AVL9: variants seen among roughly 807,000 people sequenced by gnomAD.
AVL9 encodes the protein AVL9 cell migration associated, also known as late secretory pathway protein AVL9 homolog.
A neutral mutation model predicts 79.2 loss-of-function variants in AVL9; 49 were observed. The ratio of observed to expected loss-of-function variants is 0.62; its 90% CI spans 0.49 to 0.79. The LOEUF (loss-of-function observed/expected upper bound fraction) is 0.79. AVL9 is among the 30% of genes least tolerant of loss of function. The pLI is 0.00. For synonymous variants in AVL9, 299 were observed against 280.6 expected (o/e 1.07, Z -0.65); for missense variants, 682 against 776.8 (o/e 0.88, Z 1.45).
In AVL9 at chr7:32,581,074, C is replaced by A. The variant is rs545786770; in HGVS notation, c.1831+184C>A. 862 of 483,960 alleles carry A rather than the reference C, an allele frequency of 1.8e-3. 8 individuals are homozygous for A. The East Asian group carries it at 0.025, about 14-fold the overall frequency. 30.0% of individuals were successfully genotyped at this position (483,960 alleles called of 1,614,324 possible). A position where few individuals can be genotyped will look rare whatever the true frequency, so the allele number is the denominator to read the frequency against. ...ATTCCAAATTCCAAATGGTCAAACT[C>A]CATTATCTAATAGAGAGTGACAAAA... On this transcript the variant is annotated intron_variant, in intron 15 of 15. Transcript: ENST00000318709.
In AVL9 at chr7:32,566,093, T is replaced by A. The variant is rs1790550995; in HGVS notation, c.1216-3927T>A. ...TCAAGACTGCAGTGAGCCATGGTCA[T>A]GTCAATGCACTCCAGCCTGGGCAAA... On this transcript the variant is annotated intron_variant, in intron 10 of 15. Coordinates refer to ENST00000318709, the MANE Select transcript of AVL9 (RefSeq NM_015060.3). Among the ~76,000 whole-genome samples the A allele has an allele frequency of 2.0e-5, 3 of 151,126 alleles. No individual in the cohort carries two copies. The South Asian group carries it at 6.3e-4, about 32-fold the overall frequency.
chr7:32,569,827 C>G (rs181778203), intron 10 of AVL9, among the ~76,000 whole-genome samples, 193 bp from the exon 11 acceptor site: 1 of 152,176 alleles, frequency 6.6e-6, no homozygotes, highest in Non-Finnish European at 1.5e-5. Context: ...ATTAGCTAAT[C>G]ATTAACTGGA....
At chr7:32,518,073 G>T (rs886619375) in intron 1 of AVL9, among the ~76,000 whole-genome samples, 1 of 152,002 alleles carries the variant, frequency 6.6e-6, no homozygotes, top group Non-Finnish European at 1.5e-5. Context: ...TCAAGTGATC[G>T]ACCCAACTCG....
intron 8 of AVL9, among the ~76,000 whole-genome samples, chr7:32,557,285 T>C (rs1790107391): frequency 1.3e-5 from 2 of 152,108 alleles, no homozygotes. Flanking sequence ...ACTCCTGGCC[T>C]CAAGTGATCC....
rs1352145601 is a variant in AVL9, at chr7:32,579,601, AT to A, written c.1689-616del. ...ATATATTATATATTATATATTATATATTATATTATATATTATATATATATAA... is the reference window on the plus strand; with the variant it reads ...ATATATTATATATTATATATTATATATATATTATATATTATATATATATAA... On this transcript the variant is annotated intron_variant, in intron 13 of 15. Coordinates refer to ENST00000318709, the MANE Select transcript of AVL9 (RefSeq NM_015060.3). Among the ~76,000 whole-genome samples the A allele has an allele frequency of 3.7e-3, 15 of 4,100 alleles. 2 individuals carry two copies. Among genetic ancestry groups the A allele is most frequent in the South Asian group, 0.025 (3 of 120 alleles). 2.7% of individuals were successfully genotyped at this position (4,100 alleles called of 152,430 possible).
chr7:32,551,469 C>G, intron 5 of AVL9, 46 bp downstream of exon 5: 1 of 1,075,842 alleles, frequency 9.3e-7, no homozygotes, highest in Non-Finnish European at 1.4e-6. Context: ...AAGATAGACT[C>G]ATGAATCAAG....
intron 1 of AVL9, among the ~76,000 whole-genome samples, chr7:32,508,976 T>G (rs1439642322): frequency 6.6e-6 from 1 of 152,224 alleles, no homozygotes; most frequent in Non-Finnish European, 1.5e-5. Context: ...GCTTGCCAGG[T>G]TCTGCAAAAA....
At chr7:32,507,437 A>C (rs970380774) in intron 1 of AVL9, among the ~76,000 whole-genome samples, 1 of 151,792 alleles carries the variant, frequency 6.6e-6, no homozygotes, top group African/African-American at 2.4e-5. Context: ...AACGCTAACC[A>C]CCCTCTCCAC....
In AVL9 at chr7:32,516,778, A is replaced by AAT. The variant is rs1554334929; in HGVS notation, c.93+20977_93+20978insTA. Among the ~76,000 whole-genome samples the AAT allele has an allele frequency of 2.7e-3, 417 of 151,686 alleles. 5 individuals carry two copies. Among genetic ancestry groups the AAT allele is most frequent in the African/African-American group, 9.6e-3 (398 of 41,314 alleles). On this transcript the variant is annotated intron_variant, in intron 1 of 15. Coordinates refer to ENST00000318709, the MANE Select transcript of AVL9 (RefSeq NM_015060.3). ...AACCCTAGGCCTTTAAAAAAAAAAA[A>AAT]AAAAAGGTGGGAAACAATCTAAGAA...
At chr7:32,579,303 ATTAT>A (rs1490115257) in intron 13 of AVL9, among the ~76,000 whole-genome samples, 80 of 91,578 alleles carry the variant, frequency 8.7e-4, no homozygotes, top group African/African-American at 3.8e-3. Flanking sequence ...TATTATATAT[ATTAT>A]ATATTATATA....
At chr7:32,526,891 AAG>A (rs1490044935) in intron 1 of AVL9, among the ~76,000 whole-genome samples, 2 of 152,092 alleles carry the variant, frequency 1.3e-5, no homozygotes, top group African/African-American at 4.8e-5. Context: ...ACACAGGAAA[AAG>A]AGAGGCCAGG....
At chr7:32,563,968 T>A (rs1790443480) in intron 10 of AVL9, among the ~76,000 whole-genome samples, 1 of 152,200 alleles carries the variant, frequency 6.6e-6, no homozygotes, top group African/African-American at 2.4e-5. Flanking sequence ...GTAAAGCAAG[T>A]AGCCACAAAT....
chr7:32,542,917 G>A (rs1201499605), intron 1 of AVL9, among the ~76,000 whole-genome samples: 2 of 152,072 alleles, frequency 1.3e-5, no homozygotes, highest in Admixed American at 6.5e-5. Flanking sequence ...AAGTTTAACC[G>A]ACCTTAAATC....
In AVL9 at chr7:32,558,644, T is replaced by A; in HGVS notation, c.679+16T>A. 6.3e-7 allele frequency: 1 copy of A among 1,580,338 alleles called. No individual in the cohort carries two copies. Among genetic ancestry groups the A allele is most frequent in the Non-Finnish European group, 8.6e-7 (1 of 1,159,450 alleles). On this transcript the variant is annotated intron_variant, in intron 9 of 15. Coordinates refer to ENST00000318709, the MANE Select transcript of AVL9 (RefSeq NM_015060.3). The stretch of plus-strand genomic sequence containing the variant: ...CTTTTTCCAGGTAAGAAAACAGCAG[T>A]ATCTACTCTTTCTTTTGTTTAACTT...
At position 32,570,301 on chromosome 7, in the gene AVL9, A is replaced by T. The variant is rs1033525208; in HGVS notation, c.1350+147A>T. On this transcript the variant is annotated intron_variant, in intron 11 of 15. Transcript: ENST00000318709. Reference sequence around the variant, plus strand: ...GTATTCTAAGTATTTTATGTGTATTAACTGGTCTAATTCTCATAAAAACAC... The same window carrying T: ...GTATTCTAAGTATTTTATGTGTATTTACTGGTCTAATTCTCATAAAAACAC... 10 of 1,133,060 alleles carry T rather than the reference A, an allele frequency of 8.8e-6. No individual in the cohort carries two copies. In the Middle Eastern group the frequency reaches 6.2e-4, roughly 70 times the overall value. The allele number at this position is 1,133,060 out of a possible 1,614,324, so 70.2% of individuals were successfully genotyped here. A position where few individuals can be genotyped will look rare whatever the true frequency, so the allele number is the denominator to read the frequency against.
intron 1 of AVL9, among the ~76,000 whole-genome samples, chr7:32,540,134 C>T (rs1210530973): frequency 6.6e-6 from 1 of 152,200 alleles, no homozygotes; most frequent in Admixed American, 6.6e-5. Flanking sequence ...ATGAATCTGA[C>T]ATTCTTTTTA....
intron 1 of AVL9, among the ~76,000 whole-genome samples, chr7:32,514,056 G>A (rs376845192): frequency 1.8e-4 from 27 of 152,288 alleles, no homozygotes; most frequent in African/African-American, 6.0e-4. Flanking sequence ...TAGAATGTAC[G>A]CTCGGTTTTA....
intron 1 of AVL9, among the ~76,000 whole-genome samples, chr7:32,510,920 G>A (rs1376372633): frequency 2.3e-4 from 28 of 120,572 alleles, no homozygotes; most frequent in South Asian, 5.7e-4. Context: ...TATGAGGGAA[G>A]CCATCTCTCC....
rs1200319249 is a variant in AVL9, at chr7:32,588,149, C to T, written c.*4242C>T. ...TTCCAATCTTATTTTTCATCAGGTT[C>T]TCACACCCACGTAGTATGCTGCTCA... On this transcript the variant is annotated 3_prime_UTR_variant, in exon 16 of 16. Coordinates refer to ENST00000318709, the MANE Select transcript of AVL9 (RefSeq NM_015060.3). 1 of 152,108 alleles carries T rather than the reference C, an allele frequency of 6.6e-6. No homozygotes were observed. The highest frequency in any genetic ancestry group is 2.4e-5 in the African/African-American group (1 of 41,410). 9.4% of individuals were successfully genotyped at this position (152,108 alleles called of 1,614,324 possible). A position where few individuals can be genotyped will look rare whatever the true frequency, so the allele number is the denominator to read the frequency against.
Sources: allele counts gnomAD v4.1 joint callset (sites outside exome capture counted in the v4.1 genomes callset), GRCh38; gene constraint gnomAD v4.1.1; transcripts MANE v1.5; gene names NCBI Gene and HGNC (gene_info 2026-07-23, HGNC 2026-07-21).